NR2C1: variants seen among roughly 807,000 people sequenced by gnomAD.
The protein encoded by NR2C1 is TR2 nuclear hormone receptor.
Under a neutral mutation model 74.8 loss-of-function variants are expected in NR2C1, and 33 were observed. The ratio of observed to expected loss-of-function variants is 0.44; its 90% CI spans 0.33 to 0.59. The LOEUF is 0.59. Among genes scored for constraint, NR2C1 ranks in the 20% least tolerant of loss-of-function variants. The pLI is 0.02. For missense variants in NR2C1, 568 were observed against 715.6 expected (o/e 0.79, Z 2.35); for synonymous variants, 225 against 240.6 (o/e 0.94, Z 0.60).
intron 12 of NR2C1, among the ~76,000 whole-genome samples, chr12:95,027,734 TA>T (rs985710074): frequency 5.5e-4 from 79 of 143,586 alleles, no homozygotes; most frequent in South Asian, 1.5e-3. Context: ...AGACTCAGTC[TA>T]AAAAAAAAAA....
At chr12:95,037,110 T>C (rs1489059329) in intron 10 of NR2C1, among the ~76,000 whole-genome samples, 10 of 152,216 alleles carry the variant, frequency 6.6e-5, no homozygotes, top group Admixed American at 6.5e-4. Context: ...TAAAGTCTCC[T>C]GTGGTAAACG....
rs1870047322 is a variant in NR2C1, at chr12:95,031,138, T to C, written c.1393+211A>G. 2.6e-5 allele frequency among the ~76,000 whole-genome samples: 4 copies of C among 152,236 alleles called. No homozygotes were observed. The South Asian group carries it at 8.3e-4, about 31-fold the overall frequency. ...AGAAATAGCCTGCCAGACTTAAGTA[T>C]ACTGTTTTCAATTTTGTTGCACTCT... is the stretch of plus-strand genomic sequence containing the variant. On this transcript the variant is annotated intron_variant, in intron 11 of 13. Coordinates refer to ENST00000333003, the MANE Select transcript of NR2C1 (RefSeq NM_003297.4).
chr12:95,067,872 A>G (rs1875958904), intron 1 of NR2C1, among the ~76,000 whole-genome samples: 1 of 137,584 alleles, frequency 7.3e-6, no homozygotes, highest in South Asian at 2.4e-4. Context: ...CCACCCCTCC[A>G]TGTATCTTTT....
intron 1 of NR2C1, among the ~76,000 whole-genome samples, chr12:95,068,510 T>C (rs1876074318): frequency 1.3e-5 from 2 of 152,074 alleles, no homozygotes; most frequent in Admixed American, 6.6e-5. Flanking sequence ...AAATCTACAC[T>C]TGGACCGGCC....
At chr12:95,071,115 C>T (rs1025531700) in intron 1 of NR2C1, among the ~76,000 whole-genome samples, 3 of 151,672 alleles carry the variant, frequency 2.0e-5, no homozygotes, top group Non-Finnish European at 4.4e-5. Flanking sequence ...GCAAGAGAAT[C>T]GCTTGAACCT....
intron 10 of NR2C1, among the ~76,000 whole-genome samples, chr12:95,037,431 G>A (rs996028413): frequency 3.3e-5 from 5 of 152,164 alleles, no homozygotes; most frequent in African/African-American, 9.7e-5. Context: ...TAGAAGCCTT[G>A]TAAAATACAA....
At chr12:95,028,224 G>C in intron 12 of NR2C1, 163 bp downstream of exon 12, 1 of 571,756 alleles carries the variant, frequency 1.7e-6, no homozygotes, top group Non-Finnish European at 3.0e-6. Flanking sequence ...GAGTGAAGCT[G>C]CTGAGTCATA....
chr12:95,048,876 G>A (rs962488850), intron 9 of NR2C1, among the ~76,000 whole-genome samples, 192 bp downstream of exon 9: 2 of 152,086 alleles, frequency 1.3e-5, no homozygotes, highest in African/African-American at 4.8e-5. Context: ...TGCCCACCTT[G>A]GCCTCCCAAA....
chr12:95,059,137 A>G (rs1433369443), intron 4 of NR2C1, among the ~76,000 whole-genome samples: 3 of 151,456 alleles, frequency 2.0e-5, no homozygotes, highest in Admixed American at 6.6e-5. Flanking sequence ...GCCCGTCTCT[A>G]CTGAAAATAC....
At chr12:95,069,908 T>C (rs1876332914) in intron 1 of NR2C1, among the ~76,000 whole-genome samples, 1 of 152,130 alleles carries the variant, frequency 6.6e-6, no homozygotes, top group Non-Finnish European at 1.5e-5. Flanking sequence ...ATTGAGTCCC[T>C]GATGTCTTCC....
chr12:95,022,391 T>G lies in NR2C1; in HGVS notation c.1650A>C (p.Leu550=). 1 of 1,608,114 alleles carries G rather than the reference T, an allele frequency of 6.2e-7. No homozygotes were observed. Among genetic ancestry groups the G allele is most frequent in the Non-Finnish European group, 8.5e-7 (1 of 1,178,728 alleles). ...GTCTTAAAGCTGGCAATCTGAGTAG[T>G]AGTCTGGATAACCTAAAAAAAGAAA... is the stretch of plus-strand genomic sequence containing the variant. ...YPDDTYRLSR[L]LLRLPALRLM... Residue 550 remains leucine (L), a synonymous_variant, in exon 14 of 14, where the codon CTA becomes CTC. Coordinates refer to ENST00000333003, the MANE Select transcript of NR2C1 (RefSeq NM_003297.4).
At chr12:95,046,493 C>T (rs1177398078) in intron 9 of NR2C1, among the ~76,000 whole-genome samples, 2 of 152,082 alleles carry the variant, frequency 1.3e-5, no homozygotes, top group Non-Finnish European at 2.9e-5. Context: ...AAGACTGAAG[C>T]AGGAGAATCC....
intron 13 of NR2C1, among the ~76,000 whole-genome samples, chr12:95,024,899 A>G (rs964398632): frequency 6.6e-6 from 1 of 152,248 alleles, no homozygotes; most frequent in Non-Finnish European, 1.5e-5. Context: ...AGGTGCTATC[A>G]TTTACTGTGT....
In NR2C1 at chr12:95,028,317, CAT is replaced by C. The variant is rs1472637062; in HGVS notation, c.1531+68_1531+69del. 56 of 1,320,998 alleles carry C rather than the reference CAT, an allele frequency of 4.2e-5. 1 individual carries two copies. The highest frequency in any genetic ancestry group is 5.8e-5 in the Non-Finnish European group (55 of 953,386). 81.8% of individuals were successfully genotyped at this position (1,320,998 alleles called of 1,614,324 possible). A position where few individuals can be genotyped will look rare whatever the true frequency, so the allele number is the denominator to read the frequency against. The stretch of plus-strand genomic sequence containing the variant: ...CACCATTTTACATCCCCACTTGCAA[CAT>C]ATGAGGGCTTCTATTTCTCCACATC... On this transcript the variant is annotated intron_variant, in intron 12 of 13. Transcript: ENST00000333003.
chr12:95,059,927 C>T lies in NR2C1; in HGVS notation c.343G>A (p.Val115Ile). ...TTACCTGATGCTTTGTCTCCACATA[C>T]TACGCAAAGATCAAAAACCTTATTT... ...GPNKVFDLCV[V>I]CGDKASGRHY... The change falls in exon 4 of 14, where the codon GTA becomes ATA. Residue 115 changes from valine to isoleucine, a missense_variant. By Grantham distance (29) the Val-to-Ile change is conservative. Coordinates refer to ENST00000333003, the MANE Select transcript of NR2C1 (RefSeq NM_003297.4). 1 of 1,577,016 alleles carries T rather than the reference C, an allele frequency of 6.3e-7. No homozygotes were observed. Among genetic ancestry groups the T allele is most frequent in the Non-Finnish European group, 8.6e-7 (1 of 1,168,406 alleles).
chr12:95,069,825 G>A (rs954400956), intron 1 of NR2C1, among the ~76,000 whole-genome samples: 8 of 151,598 alleles, frequency 5.3e-5, no homozygotes, highest in Non-Finnish European at 1.0e-4. Context: ...ACTCACTGCT[G>A]CTACTGCATG....
At chr12:95,050,593 G>A (rs896067950) in intron 8 of NR2C1, among the ~76,000 whole-genome samples, 3 of 151,806 alleles carry the variant, frequency 2.0e-5, no homozygotes, top group Non-Finnish European at 2.9e-5. Flanking sequence ...ACAGGCATAC[G>A]CCACCGTGCC....
intron 9 of NR2C1, among the ~76,000 whole-genome samples, chr12:95,041,119 T>C (rs567888116): frequency 2.0e-5 from 3 of 152,238 alleles, no homozygotes; most frequent in African/African-American, 4.8e-5. Context: ...TGAAAACATA[T>C]GGAATTGTGG....
At chr12:95,045,037 C>T (rs1050673831) in intron 9 of NR2C1, among the ~76,000 whole-genome samples, 7 of 152,166 alleles carry the variant, frequency 4.6e-5, no homozygotes, top group Non-Finnish European at 1.0e-4. Context: ...AACCTCATCT[C>T]CACACAAATA....
Sources: allele counts gnomAD v4.1 joint callset (sites outside exome capture counted in the v4.1 genomes callset), GRCh38; gene constraint gnomAD v4.1.1; transcripts MANE v1.5; gene names NCBI Gene and HGNC (gene_info 2026-07-23, HGNC 2026-07-21).